The following ADGRE1 variants were observed in gnomAD, a reference collection of about 807,000 sequenced individuals.
ADGRE1 encodes the protein adhesion G protein-coupled receptor E1.
ADGRE1 carries 82 observed loss-of-function variants against 102.7 expected under a neutral mutation model. That is an observed-to-expected ratio of 0.80 (90% CI 0.67 to 0.96). The LOEUF (loss-of-function observed/expected upper bound fraction) is 0.96, where lower values mean the gene tolerates loss of function less well. Ranked by LOEUF, ADGRE1 falls within the 40% of genes least tolerant of loss-of-function variation. The probability of loss-of-function intolerance (pLI) is 0.00; values close to 1 mark genes in which losing one functional copy is unlikely to be tolerated. For synonymous variants in ADGRE1, 398 were observed against 399.6 expected (o/e 1.00, Z 0.05); for missense variants, 1,032 against 1,085.3 (o/e 0.95, Z 0.69).
chr19:6,901,850 C>A (rs1445650203), intron 5 of ADGRE1, 25 bp from the exon 6 acceptor site: 1 of 1,612,386 alleles, frequency 6.2e-7, no homozygotes, highest in Non-Finnish European at 8.5e-7. Flanking sequence ...TTACCTTGAC[C>A]TGGGTTTTCT....
rs532402109 is a variant in ADGRE1, at chr19:6,922,877, A to G, written c.1791+994A>G. The stretch of plus-strand genomic sequence containing the variant: ...CAGATCACAAGGTCAGGAGATCGAG[A>G]CCATCCTGGCTAACACGGTGAAACC... On this transcript the variant is annotated intron_variant, in intron 14 of 20. Transcript: ENST00000312053. 2.6e-5 allele frequency among the ~76,000 whole-genome samples: 4 copies of G among 152,222 alleles called. No homozygotes were observed. The South Asian group carries it at 8.3e-4, about 32-fold the overall frequency.
In ADGRE1 at chr19:6,896,430, G is replaced by C. The variant is rs766774177; in HGVS notation, c.127G>C (p.Ala43Pro). 3 of 1,614,106 alleles carry C rather than the reference G, an allele frequency of 1.9e-6. No individual in the cohort carries two copies. In the South Asian group the frequency reaches 3.3e-5, roughly 18 times the overall value. The change falls in exon 3 of 21, where the codon GCT (alanine) becomes CCT (proline). Residue 43 changes from alanine (A) to proline (P), a missense_variant. Coordinates refer to ENST00000312053, the MANE Select transcript of ADGRE1 (RefSeq NM_001974.5). ...CTGTAGAGACAGTACCTTGTGCCCA[G>C]CTTATGCCACCTGCACCAATACAGT... is the stretch of plus-strand genomic sequence containing the variant. ...NNCRDSTLCP[A>P]YATCTNTVDS...
chr19:6,934,899 G>C lies in ADGRE1; in HGVS notation c.2290-88G>C, dbSNP rs546156825. The C allele has an allele frequency of 3.3e-5, 28 of 855,174 alleles. No homozygotes were observed. In the Admixed American group the frequency reaches 4.8e-4, roughly 15 times the overall value. The allele number at this position is 855,174 out of a possible 1,614,324, so 53.0% of individuals were successfully genotyped here. A position where few individuals can be genotyped will look rare whatever the true frequency, so the allele number is the denominator to read the frequency against. ...TGGGATTACAGACGTGAGCCACCACGCCCAGCCCAGAGTTCTCTTTTTATA... is the reference window on the plus strand; with the variant it reads ...TGGGATTACAGACGTGAGCCACCACCCCCAGCCCAGAGTTCTCTTTTTATA... On this transcript the variant is annotated intron_variant, in intron 17 of 20. Transcript: ENST00000312053.
chr19:6,926,880 G>A (rs1173537304), intron 16 of ADGRE1, among the ~76,000 whole-genome samples: 1 of 152,036 alleles, frequency 6.6e-6, no homozygotes. Context: ...GTATGACATG[G>A]GGGGTGGTGG....
At chr19:6,893,535 A>G (rs761920115) in intron 2 of ADGRE1, among the ~76,000 whole-genome samples, 3 of 152,150 alleles carry the variant, frequency 2.0e-5, no homozygotes, top group Non-Finnish European at 2.9e-5. Context: ...ATGATATTCT[A>G]TTGAGTACAT....
intron 11 of ADGRE1, 144 bp from the exon 12 acceptor site, chr19:6,916,105 T>C: frequency 1.2e-6 from 1 of 833,388 alleles, no homozygotes; most frequent in Non-Finnish European, 1.8e-6. Flanking sequence ...ATCATGGGCC[T>C]CAAGATCTTT....
chr19:6,900,329 T>A (rs1197017251), intron 5 of ADGRE1, among the ~76,000 whole-genome samples: 1 of 146,734 alleles, frequency 6.8e-6, no homozygotes, highest in Non-Finnish European at 1.5e-5. Flanking sequence ...AAAAAAAAAT[T>A]AGAAAATTAG....
At chr19:6,931,804 GA>G (rs554803046) in intron 17 of ADGRE1, among the ~76,000 whole-genome samples, 1,302 of 127,116 alleles carry the variant, frequency 0.01, 11 homozygotes, top group African/African-American at 0.016. Context: ...TCAAAAAAAA[GA>G]AAAAAAAAAA....
intron 10 of ADGRE1, among the ~76,000 whole-genome samples, chr19:6,910,593 A>C (rs1279114082): frequency 9.8e-6 from 1 of 101,622 alleles, no homozygotes; most frequent in East Asian, 3.0e-4. Flanking sequence ...TTTTTTTGAG[A>C]TGGAGTCTTG....
At chr19:6,937,723 C>G (rs1484646616) in intron 20 of ADGRE1, 75 bp downstream of exon 20, 4 of 1,397,906 alleles carry the variant, frequency 2.9e-6, no homozygotes, top group Non-Finnish European at 4.0e-6. Context: ...AGCTCTGCCA[C>G]GTGTTGGGTA....
At position 6,903,867 on chromosome 19, in the gene ADGRE1, G is replaced by T; in HGVS notation, c.719G>T (p.Gly240Val). The change falls in exon 7 of 21, where the codon GGG becomes GTG. Residue 240 changes from glycine (G) to valine (V), a missense_variant. Physicochemically the swap from Gly to Val is moderately radical, Grantham distance 109. Coordinates refer to ENST00000312053, the MANE Select transcript of ADGRE1 (RefSeq NM_001974.5). ...AATTCAACATGCACCAACACTCCTG[G>T]GAGCTACTTTTGCACCTGCCACCCT... ...PINSTCTNTP[G>V]SYFCTCHPGF... The T allele has an allele frequency of 1.9e-6, 3 of 1,614,136 alleles. No homozygotes were observed. The highest frequency in any genetic ancestry group is 2.5e-6 in the Non-Finnish European group (3 of 1,180,028).
At position 6,906,528 on chromosome 19, in the gene ADGRE1, A is replaced by C; in HGVS notation, c.1038+7A>C. The C allele has an allele frequency of 1.2e-6, 2 of 1,611,584 alleles. No homozygotes were observed. The highest frequency in any genetic ancestry group is 1.7e-6 in the Non-Finnish European group (2 of 1,178,592). On this transcript the variant is annotated splice_region_variant and intron_variant, in intron 9 of 20. Transcript: ENST00000312053. Reference sequence around the variant, plus strand: ...CGCAGTGAAACCTGCATATGCAAGTATTTTTTAAGGTTCCTAGTTTTTGAG... The same window carrying C: ...CGCAGTGAAACCTGCATATGCAAGTCTTTTTTAAGGTTCCTAGTTTTTGAG...
chr19:6,901,806 T>G (rs1049089633), intron 5 of ADGRE1, 69 bp from the exon 6 acceptor site: 1 of 1,528,406 alleles, frequency 6.5e-7, no homozygotes, highest in Non-Finnish European at 9.0e-7. Flanking sequence ...AGAGTGCATC[T>G]CCTATTTGTA....
chr19:6,909,096 T>A (rs2144932597), intron 10 of ADGRE1, among the ~76,000 whole-genome samples: 1 of 149,478 alleles, frequency 6.7e-6, no homozygotes, highest in East Asian at 2.0e-4. Flanking sequence ...ATAGCACCAC[T>A]GCACTTCAGC....
chr19:6,920,493 A>G (rs1974609916), intron 13 of ADGRE1, among the ~76,000 whole-genome samples: 1 of 139,678 alleles, frequency 7.2e-6, no homozygotes, highest in South Asian at 2.3e-4. Flanking sequence ...TGCTGGGATT[A>G]CAGGCATGAA....
chr19:6,898,133 A>G (rs1407883712), intron 5 of ADGRE1, among the ~76,000 whole-genome samples: 4 of 152,128 alleles, frequency 2.6e-5, no homozygotes, highest in Non-Finnish European at 4.4e-5. Flanking sequence ...CACTTCCACC[A>G]TAGTCACAAG....
chr19:6,937,167 A>C, intron 18 of ADGRE1, 76 bp from the exon 19 acceptor site: 1 of 1,523,968 alleles, frequency 6.6e-7, no homozygotes, highest in Non-Finnish European at 8.9e-7. Context: ...GCCACCTCAG[A>C]CCATTCCTGG....
At chr19:6,904,910 G>A (rs76782992) in intron 8 of ADGRE1, among the ~76,000 whole-genome samples, 7,095 of 152,224 alleles carry the variant, frequency 0.047, 196 homozygotes, top group African/African-American at 0.069. Flanking sequence ...TCTAGAGGAA[G>A]AATGGAGATC....
At chr19:6,936,909 C>G (rs1975434445) in intron 18 of ADGRE1, among the ~76,000 whole-genome samples, 1 of 152,164 alleles carries the variant, frequency 6.6e-6, no homozygotes, top group Admixed American at 6.5e-5. Flanking sequence ...AAGCACCCAC[C>G]ACCACACCCA....
Sources: allele counts gnomAD v4.1 joint callset (sites outside exome capture counted in the v4.1 genomes callset), GRCh38; gene constraint gnomAD v4.1.1; transcripts MANE v1.5; gene names NCBI Gene and HGNC (gene_info 2026-07-23, HGNC 2026-07-21).